Variants in ABCA13 observed in about 807,000 individuals in gnomAD.
ABCA13 encodes the protein ATP-binding cassette sub-family A member 13.
A neutral mutation model predicts 478.7 loss-of-function variants in ABCA13; 476 were observed. The observed-to-expected ratio is 0.99, with a 90% CI of 0.92 to 1.07. The LOEUF (loss-of-function observed/expected upper bound fraction) is 1.07, where lower values mean the gene tolerates loss of function less well. ABCA13 is among the 50% of genes least tolerant of loss of function. The pLI is 0.00. For synonymous variants in ABCA13, 2,252 were observed against 2,158.9 expected, an observed-to-expected ratio of 1.04 and a Z score of -1.20; for missense variants, 6,060 against 5,910.6, an observed-to-expected ratio of 1.03 and a Z score of -0.83.
chr7:48,389,317 TA>T, intron 37 of ABCA13, 97 bp downstream of exon 37: 1 of 1,386,092 alleles, frequency 7.2e-7, no homozygotes. Flanking sequence ...TTCCTTTTTT[TA>T]AAATTTTGAG....
chr7:48,229,727 A>AG lies in ABCA13; in HGVS notation c.633-94dup. 4 of 1,231,396 alleles carry AG rather than the reference A, an allele frequency of 3.2e-6. No individual in the cohort carries two copies. In the Admixed American group the frequency reaches 7.1e-5, roughly 22 times the overall value. The allele number at this position is 1,231,396 out of a possible 1,614,324, so 76.3% of individuals were successfully genotyped here. A position where few individuals can be genotyped will look rare whatever the true frequency, so the allele number is the denominator to read the frequency against. On this transcript the variant is annotated intron_variant, in intron 6 of 61. Coordinates refer to ENST00000435803, the MANE Select transcript of ABCA13 (RefSeq NM_152701.5). ...TCCAGCCACATCTTGCAACAGCACT[A>AG]GGGGCCCAGTCCATGGGATGTAAGT...
At chr7:48,286,752 C>T (rs1427363668) in intron 19 of ABCA13, among the ~76,000 whole-genome samples, 1 of 152,164 alleles carries the variant, frequency 6.6e-6, no homozygotes, top group African/African-American at 2.4e-5. Context: ...ATCTGCCCAA[C>T]ACGGCCTCCC....
At chr7:48,511,251 AAAACCCTC>A in intron 51 of ABCA13, 52 bp downstream of exon 51, 1 of 1,477,480 alleles carries the variant, frequency 6.8e-7, no homozygotes, top group Non-Finnish European at 9.3e-7. Context: ...TCTGAAAGAG[AAAACCCTC>A]AGGATGGCTT....
intron 39 of ABCA13, among the ~76,000 whole-genome samples, chr7:48,407,786 G>A (rs1818456705): frequency 6.6e-6 from 1 of 151,970 alleles, no homozygotes; most frequent in African/African-American, 2.4e-5. Context: ...TCTAACTCTT[G>A]ACCTCGGGTG....
At chr7:48,371,952 T>C (rs1812697471) in intron 32 of ABCA13, among the ~76,000 whole-genome samples, 1 of 152,044 alleles carries the variant, frequency 6.6e-6, no homozygotes, top group Non-Finnish European at 1.5e-5. Context: ...TTTATAAAAA[T>C]TTAATTTAAT....
intron 3 of ABCA13, among the ~76,000 whole-genome samples, chr7:48,210,461 A>G (rs1189411535): frequency 5.9e-5 from 9 of 152,042 alleles, no homozygotes; most frequent in Non-Finnish European, 1.2e-4. Context: ...AACTTTTGTG[A>G]TGTAGGCATT....
chr7:48,505,571 C>T (rs1025522199), intron 48 of ABCA13, among the ~76,000 whole-genome samples: 3 of 152,122 alleles, frequency 2.0e-5, no homozygotes, highest in Non-Finnish European at 2.9e-5. Context: ...TAATGGCCTC[C>T]ACATACAAGC....
At chr7:48,641,568 G>A (rs1795103210) in intron 59 of ABCA13, among the ~76,000 whole-genome samples, 1 of 152,174 alleles carries the variant, frequency 6.6e-6, no homozygotes, top group Non-Finnish European at 1.5e-5. Flanking sequence ...AGACTTTCCA[G>A]GGTCAAACAA....
intron 55 of ABCA13, among the ~76,000 whole-genome samples, chr7:48,535,588 T>G (rs1563406324): frequency 6.6e-6 from 1 of 152,074 alleles, no homozygotes. Flanking sequence ...ATTATGTGCT[T>G]TATCTTCAGC....
intron 41 of ABCA13, among the ~76,000 whole-genome samples, chr7:48,420,731 CTTT>C (rs35346221): frequency 1.5e-5 from 2 of 137,566 alleles, no homozygotes; most frequent in African/African-American, 2.7e-5. Flanking sequence ...AGGGCTTGAT[CTTT>C]TTTTTTTTTT....
intron 45 of ABCA13, among the ~76,000 whole-genome samples, chr7:48,474,219 G>A (rs995459405): frequency 1.6e-4 from 25 of 152,126 alleles, no homozygotes; most frequent in African/African-American, 5.6e-4. Flanking sequence ...TGCATGGGAG[G>A]ATCACATCAC....
chr7:48,643,553 T>A (rs1795254094), intron 60 of ABCA13, among the ~76,000 whole-genome samples, 160 bp downstream of exon 60: 1 of 152,218 alleles, frequency 6.6e-6, no homozygotes, highest in Admixed American at 6.5e-5. Flanking sequence ...AAAAATAGCA[T>A]GGATAGCTGA....
At chr7:48,450,502 A>ATGTAGGGT (rs1183054898) in intron 42 of ABCA13, among the ~76,000 whole-genome samples, 1 of 152,200 alleles carries the variant, frequency 6.6e-6, no homozygotes. Context: ...ATCAAATGGC[A>ATGTAGGGT]TGTAGGGTTT....
Position 48,276,560 on chromosome 7 carries a change from G to A in ABCA13, c.6894G>A (p.Glu2298=). 1.2e-6 allele frequency: 2 copies of A among 1,610,708 alleles called. No individual in the cohort carries two copies. The highest frequency in any genetic ancestry group is 1.7e-6 in the Non-Finnish European group (2 of 1,179,004). ...LKYFHKDVIA[E]MSFVPKDKIL... ...ATTTCCACAAAGATGTTATTGCAGA[G>A]ATGAGGTGAGTATACTTTTGCTTTG... The change falls in exon 17 of 62, where the codon GAG becomes GAA. Residue 2298 remains glutamate, a synonymous_variant. Transcript: ENST00000435803.
intron 55 of ABCA13, among the ~76,000 whole-genome samples, chr7:48,529,632 C>T (rs1282762715): frequency 6.6e-6 from 1 of 152,118 alleles, no homozygotes. Flanking sequence ...AAATAAAAAT[C>T]GATTAAACAT....
chr7:48,410,977 C>CTCTGTCTT (rs1554499567), intron 40 of ABCA13, among the ~76,000 whole-genome samples: 3 of 104,642 alleles, frequency 2.9e-5, no homozygotes, highest in Non-Finnish European at 6.0e-5. Context: ...AAATTCTTTT[C>CTCTGTCTT]TCTTTCTTTC....
chr7:48,607,341 A>C (rs1585964632), intron 58 of ABCA13, among the ~76,000 whole-genome samples: 1 of 152,232 alleles, frequency 6.6e-6, no homozygotes, highest in African/African-American at 2.4e-5. Flanking sequence ...GCAATGCCCC[A>C]CCCTGCTTCA....
intron 15 of ABCA13, among the ~76,000 whole-genome samples, chr7:48,254,812 A>G (rs951180302): frequency 3.9e-5 from 6 of 152,016 alleles, no homozygotes; most frequent in Non-Finnish European, 2.9e-5. Context: ...ACTAAAGGCA[A>G]TTTTTCCTCA....
At chr7:48,230,978 G>A (rs2128991818) in intron 7 of ABCA13, among the ~76,000 whole-genome samples, 1 of 152,224 alleles carries the variant, frequency 6.6e-6, no homozygotes, top group East Asian at 1.9e-4. Flanking sequence ...ACACAGGGAG[G>A]GGAACAACAT....
Sources: gnomAD v4.1 joint callset for allele counts (sites outside exome capture counted in the v4.1 genomes callset) on GRCh38, gnomAD v4.1.1 for gene constraint, MANE v1.5 for transcripts, NCBI Gene and HGNC (gene_info 2026-07-23, HGNC 2026-07-21) for gene names.